The following MAN1C1 variants were observed in gnomAD, a reference collection of about 807,000 sequenced individuals.
MAN1C1 encodes the protein mannosidase alpha class 1C member 1.
MAN1C1 carries 49 observed loss-of-function variants against 71.5 expected under a neutral mutation model. That is an observed-to-expected ratio of 0.69 (90% CI 0.54 to 0.87). The LOEUF is 0.87. MAN1C1 is among the 40% of genes least tolerant of loss of function. The pLI is 0.00. For missense variants in MAN1C1, 743 were observed against 835.0 expected (o/e 0.89, Z 1.36); for synonymous variants, 352 against 343.7 (o/e 1.02, Z -0.27).
rs374966506 is a variant in MAN1C1 at position 25,771,832 on chromosome 1, G to T, written c.1257+60G>T. ...GTCACCAGCCCCCGGCTCTCTCACGGCCGAGCGAGGGTGCTGCGGGCAGCG... is the reference window on the plus strand; with the variant it reads ...GTCACCAGCCCCCGGCTCTCTCACGTCCGAGCGAGGGTGCTGCGGGCAGCG... On this transcript the variant is annotated intron_variant, in intron 8 of 11. Coordinates refer to ENST00000374332, the MANE Select transcript of MAN1C1 (RefSeq NM_020379.4). 5.7e-6 allele frequency: 8 copies of T among 1,408,198 alleles called. No homozygotes were observed. The African/African-American group carries it at 9.9e-5, about 17-fold the overall frequency. 87.2% of individuals were successfully genotyped at this position (1,408,198 alleles called of 1,614,324 possible).
chr1:25,746,850 C>A lies in MAN1C1; in HGVS notation c.753+67C>A. 4 of 1,076,236 alleles carry A rather than the reference C, an allele frequency of 3.7e-6. No homozygotes were observed. The highest frequency in any genetic ancestry group is 1.5e-5 in the South Asian group (1 of 68,012). 66.7% of individuals were successfully genotyped at this position (1,076,236 alleles called of 1,614,324 possible). On this transcript the variant is annotated intron_variant, in intron 3 of 11. Transcript: ENST00000374332. The surrounding 1 kb of genome is among the most constrained non-coding windows in gnomAD (Gnocchi z 4.0). Reference sequence around the variant, plus strand: ...GAAGAGGCCCAACAGCCAGCTTCACCCTGTCATCTCTGAGACCCAGAGATG... The same window carrying A: ...GAAGAGGCCCAACAGCCAGCTTCACACTGTCATCTCTGAGACCCAGAGATG...
intron 2 of MAN1C1, among the ~76,000 whole-genome samples, chr1:25,723,064 T>C (rs2046787436): frequency 6.6e-6 from 1 of 152,202 alleles, no homozygotes. Flanking sequence ...CATGACAATA[T>C]ACCTCAGTGT....
chr1:25,653,203 C>T (rs2045718115), intron 1 of MAN1C1, among the ~76,000 whole-genome samples: 1 of 152,116 alleles, frequency 6.6e-6, no homozygotes, highest in Non-Finnish European at 1.5e-5. Flanking sequence ...CTCAGCTTCT[C>T]AAGTATTTAG....
chr1:25,644,518 A>ATATATATATTTTTTTT (rs61386117), intron 1 of MAN1C1: 1 of 40,292 alleles, frequency 2.5e-5, no homozygotes, highest in African/African-American at 1.9e-4. Flanking sequence ...ATATATATAT[A>ATATATATATTTTTTTT]TTTTTTTTTT....
At chr1:25,622,098 T>C (rs1051712553) in intron 1 of MAN1C1, among the ~76,000 whole-genome samples, 1 of 152,178 alleles carries the variant, frequency 6.6e-6, no homozygotes, top group East Asian at 1.9e-4. Context: ...TTCCTCTGGT[T>C]AGGTGCAGCA....
intron 2 of MAN1C1, among the ~76,000 whole-genome samples, chr1:25,731,177 G>T (rs551101981): frequency 2.6e-4 from 39 of 152,340 alleles, no homozygotes; most frequent in Non-Finnish European, 4.0e-4. Context: ...AGGCGTGGTG[G>T]CATGCTCATG....
At chr1:25,750,885 G>A (rs552497641) in intron 4 of MAN1C1, among the ~76,000 whole-genome samples, 2 of 152,320 alleles carry the variant, frequency 1.3e-5, no homozygotes, top group African/African-American at 4.8e-5. Flanking sequence ...GGAGGACACA[G>A]CTCAGGGCTC....
intron 4 of MAN1C1, among the ~76,000 whole-genome samples, chr1:25,750,637 C>A (rs2047201594): frequency 6.6e-6 from 1 of 152,240 alleles, no homozygotes; most frequent in Admixed American, 6.5e-5. Flanking sequence ...TTGCTCCAGG[C>A]CTCTCTCCAT....
chr1:25,770,900 C>T (rs1003986630), intron 7 of MAN1C1, among the ~76,000 whole-genome samples: 4 of 152,064 alleles, frequency 2.6e-5, no homozygotes, highest in African/African-American at 7.2e-5. Context: ...AATGCCTTTA[C>T]GTTTCCCTGT....
chr1:25,738,169 C>T (rs538498042), intron 2 of MAN1C1, among the ~76,000 whole-genome samples: 1 of 152,210 alleles, frequency 6.6e-6, no homozygotes, highest in African/African-American at 2.4e-5. Flanking sequence ...TTCAAGAAAC[C>T]TTTGCCTGGA....
rs968289585 is a variant in MAN1C1 at position 25,711,604 on chromosome 1, G to A, written c.637+25068G>A. Among the ~76,000 whole-genome samples, 10 of 152,180 alleles carry A rather than the reference G, an allele frequency of 6.6e-5. No homozygotes were observed. The highest frequency in any genetic ancestry group is 1.3e-4 in the Non-Finnish European group (9 of 68,034). On this transcript the variant is annotated intron_variant, in intron 2 of 11. Transcript: ENST00000374332. The surrounding 1 kb of genome is among the most constrained non-coding windows in gnomAD (Gnocchi z 4.3). ...TTTTATTGAAGCACTCATTCTGCAT[G>A]TATTGAGCACCACTGTGTGCCAGGC...
chr1:25,757,749 CG>C (rs982772104), intron 5 of MAN1C1, among the ~76,000 whole-genome samples: 7 of 152,294 alleles, frequency 4.6e-5, no homozygotes, highest in African/African-American at 1.7e-4. Context: ...TGAATGCTCC[CG>C]GAAAGGCAGT....
intron 2 of MAN1C1, among the ~76,000 whole-genome samples, chr1:25,691,391 T>A (rs930691030): frequency 6.6e-6 from 1 of 152,218 alleles, no homozygotes; most frequent in African/African-American, 2.4e-5. Context: ...GCTTTGCCAC[T>A]GCATGACCTT....
Position 25,758,706 on chromosome 1 carries a change from A to T in MAN1C1, c.1044A>T (p.Glu348Asp), listed in dbSNP as rs768452032. 6.2e-7 allele frequency: 1 copy of T among 1,612,938 alleles called. No homozygotes were observed. Residue 348 changes from glutamate to aspartate, a missense_variant, in exon 6 of 12, where the codon GAA becomes GAT. Physicochemically the swap from Glu to Asp is conservative, Grantham distance 45. Coordinates refer to ENST00000374332, the MANE Select transcript of MAN1C1 (RefSeq NM_020379.4). ...TELSGNQVFA[E>D]KVRNIRKVLR... Reference sequence around the variant, plus strand: ...TCTCTGGCAACCAGGTCTTCGCTGAAAAGGCAAGTCTCCTCCCCACCCTTC... The same window carrying T: ...TCTCTGGCAACCAGGTCTTCGCTGATAAGGCAAGTCTCCTCCCCACCCTTC...
chr1:25,642,145 C>T (rs2045546071), intron 1 of MAN1C1, among the ~76,000 whole-genome samples: 1 of 152,092 alleles, frequency 6.6e-6, no homozygotes, highest in African/African-American at 2.4e-5. Context: ...TTTGCTTGTC[C>T]CGAAGTCGAT....
intron 1 of MAN1C1, among the ~76,000 whole-genome samples, chr1:25,684,255 G>T (rs1214103397): frequency 6.6e-6 from 1 of 152,106 alleles, no homozygotes; most frequent in African/African-American, 2.4e-5. Context: ...GAGACTGAAG[G>T]AGGAGGCCAT....
At chr1:25,633,593 GTTATTC>G (rs539113980) in intron 1 of MAN1C1, among the ~76,000 whole-genome samples, 37 of 149,090 alleles carry the variant, frequency 2.5e-4, no homozygotes, top group African/African-American at 8.4e-4. Context: ...TATAAGAATA[GTTATTC>G]TTGTTTGCTT....
At chr1:25,639,147 A>G (rs1026045209) in intron 1 of MAN1C1, among the ~76,000 whole-genome samples, 2 of 152,130 alleles carry the variant, frequency 1.3e-5, no homozygotes, top group Admixed American at 6.5e-5. Context: ...AGCTCACCCA[A>G]TGACTTTTTT....
At chr1:25,757,506 G>C (rs1443104860) in intron 5 of MAN1C1, among the ~76,000 whole-genome samples, 2 of 151,112 alleles carry the variant, frequency 1.3e-5, no homozygotes, top group African/African-American at 4.9e-5. Flanking sequence ...GGCACGGGGG[G>C]GGGGGGCAGC....
Sources: gnomAD v4.1 joint callset for allele counts (sites outside exome capture counted in the v4.1 genomes callset) on GRCh38, gnomAD v4.1.1 for gene constraint, Gnocchi (gnomAD v3.1) non-coding constraint, MANE v1.5 for transcripts, NCBI Gene and HGNC (gene_info 2026-07-23, HGNC 2026-07-21) for gene names.